Variants in CYB561 observed in about 807,000 individuals in gnomAD.
CYB561 encodes the protein cytochrome b561.
Under a neutral mutation model 25.3 loss-of-function variants are expected in CYB561, and 11 were observed. The ratio of observed to expected loss-of-function variants is 0.44; its 90% CI spans 0.27 to 0.72. The LOEUF (loss-of-function observed/expected upper bound fraction) is 0.72. Ranked by LOEUF, CYB561 falls within the 30% of genes least tolerant of loss-of-function variation. The pLI is 0.18. For missense variants in CYB561, 295 were observed against 334.9 expected (o/e 0.88, Z 0.93); for synonymous variants, 165 against 158.8 (o/e 1.04, Z -0.29).
At chr17:63,437,893 A>G in intron 1 of CYB561, 1 of 309,148 alleles carries the variant, frequency 3.2e-6, no homozygotes, top group East Asian at 8.4e-5. Flanking sequence ...CCCCCCTGAG[A>G]TGCGCATGTC....
chr17:63,439,540 A>T (rs919339827), intron 1 of CYB561, among the ~76,000 whole-genome samples: 47 of 150,714 alleles, frequency 3.1e-4, no homozygotes, highest in East Asian at 1.2e-3. Context: ...CTCAAAAAAA[A>T]TTTTTTTTAA....
At chr17:63,435,526 C>A (rs2049287171) in intron 4 of CYB561, 162 bp downstream of exon 4, 2 of 735,428 alleles carry the variant, frequency 2.7e-6, no homozygotes, top group South Asian at 3.5e-5. Context: ...CCTTGGCCGC[C>A]AATCCTAGCT....
rs187817197 is a variant in CYB561 at position 63,437,265 on chromosome 17, C to T, written c.202+81G>A. On this transcript the variant is annotated intron_variant, in intron 2 of 5. Transcript: ENST00000360793. ...AGATTTGTCCAACCAGAAGAGACCG[C>T]AGGGGTGACAAGACCCCTGCAAACT... 7,343 of 1,094,594 alleles carry T rather than the reference C, an allele frequency of 6.7e-3. 37 individuals carry two copies. Among genetic ancestry groups the T allele is most frequent in the Non-Finnish European group, 8.3e-3 (6,017 of 725,918 alleles). The allele number at this position is 1,094,594 out of a possible 1,614,324, so 67.8% of individuals were successfully genotyped here.
chr17:63,435,195 G>A lies in CYB561; in HGVS notation c.454C>T (p.Leu152=). Residue 152 remains leucine (L), a synonymous_variant, in exon 5 of 6, where the codon CTG becomes TTG. Coordinates refer to ENST00000360793, the MANE Select transcript of CYB561 (RefSeq NM_001915.4). ...FFLFPGASFS[L]RSRYRPQHIF... is the part of the protein sequence containing the mutation. Reference sequence around the variant, plus strand: ...TGCTGTGGGCGGTAGCGGCTCCGCAGGGAGAATGAAGCTCCGGGGAACAGG... The same window carrying A: ...TGCTGTGGGCGGTAGCGGCTCCGCAAGGAGAATGAAGCTCCGGGGAACAGG... 6.2e-7 allele frequency: 1 copy of A among 1,614,134 alleles called. No homozygotes were observed. Among genetic ancestry groups the A allele is most frequent in the Non-Finnish European group, 8.5e-7 (1 of 1,180,034 alleles).
chr17:63,441,725 T>A (rs908784522), intron 1 of CYB561, among the ~76,000 whole-genome samples: 5 of 152,176 alleles, frequency 3.3e-5, no homozygotes, highest in Non-Finnish European at 7.4e-5. Flanking sequence ...GCCCAGGAAC[T>A]AGGGTGGTGC....
intron 1 of CYB561, among the ~76,000 whole-genome samples, chr17:63,443,084 A>C (rs1368387260): frequency 6.6e-6 from 1 of 152,166 alleles, no homozygotes; most frequent in African/African-American, 2.4e-5. Flanking sequence ...TGATGGGTGA[A>C]GGGGAAAACA....
rs2049253986 is a variant in CYB561 at position 63,433,334 on chromosome 17, A to ACAT, written c.*1065_*1067dup. 2.5e-6 allele frequency: 1 copy of ACAT among 398,628 alleles called. No individual in the cohort carries two copies. Among genetic ancestry groups the ACAT allele is most frequent in the South Asian group, 1.3e-4 (1 of 7,848 alleles). 24.7% of individuals were successfully genotyped at this position (398,628 alleles called of 1,614,324 possible). A position where few individuals can be genotyped will look rare whatever the true frequency, so the allele number is the denominator to read the frequency against. On this transcript the variant is annotated 3_prime_UTR_variant, in exon 6 of 6. Transcript: ENST00000360793. ...CCGAAGCCAAATGGTGACTCAGCTA[A>ACAT]CATGACACTCTTTATGGGGCTGGAG... is the stretch of plus-strand genomic sequence containing the variant.
At chr17:63,434,653 C>CAGGATACAAAGGGCA in intron 5 of CYB561, 59 bp from the exon 6 acceptor site, 1 of 1,457,872 alleles carries the variant, frequency 6.9e-7, no homozygotes, top group Non-Finnish European at 9.3e-7. Flanking sequence ...GCCAAATGCC[C>CAGGATACAAAGGGCA]TTTGTATCCT....
In CYB561 at chr17:63,436,865, C is replaced by T. The variant is rs978125782; in HGVS notation, c.202+481G>A. On this transcript the variant is annotated intron_variant, in intron 2 of 5. Coordinates refer to ENST00000360793, the MANE Select transcript of CYB561 (RefSeq NM_001915.4). This position sits in a 1 kb window ranked among gnomAD's most constrained non-coding sequence, Gnocchi z 4.8. ...GTCAACCGGATGCAGATCCCGCTTC[C>T]TGGATCCCTGGCCTGGAGGCAGGTG... Among the ~76,000 whole-genome samples, 3 of 152,200 alleles carry T rather than the reference C, an allele frequency of 2.0e-5. No individual in the cohort carries two copies. The highest frequency in any genetic ancestry group is 4.4e-5 in the Non-Finnish European group (3 of 68,018).
At chr17:63,440,334 G>A in intron 1 of CYB561, 1 of 398,628 alleles carries the variant, frequency 2.5e-6, no homozygotes, top group Admixed American at 4.4e-5. Context: ...CTCCTCCACA[G>A]AAGGCTGCCC....
At chr17:63,438,083 G>A (rs1239731260) in intron 1 of CYB561, 2 of 1,533,882 alleles carry the variant, frequency 1.3e-6, no homozygotes. Context: ...GGAGTGGCTG[G>A]GGGGAGGGGC....
At chr17:63,441,100 A>G (rs566798655) in intron 1 of CYB561, among the ~76,000 whole-genome samples, 51 of 152,340 alleles carry the variant, frequency 3.3e-4, no homozygotes, top group African/African-American at 1.2e-3. Flanking sequence ...AAGACAGTGG[A>G]CATCAGAGCC....
In CYB561 at chr17:63,433,298, C is replaced by CTAT. The variant is rs142875018; in HGVS notation, c.*1101_*1103dup. On this transcript the variant is annotated 3_prime_UTR_variant, in exon 6 of 6. Transcript: ENST00000360793. ...GCACACGATCAGTGTTCTAATCACACTATTTCCAGGCCGAAGCCAAATGGT... is the reference window on the plus strand; with the variant it reads ...GCACACGATCAGTGTTCTAATCACACTATTATTTCCAGGCCGAAGCCAAATGGT... 6,162 of 398,586 alleles carry CTAT rather than the reference C, an allele frequency of 0.015. 266 individuals carry two copies. The highest frequency in any genetic ancestry group is 0.093 in the African/African-American group (4,551 of 48,718). The allele number at this position is 398,586 out of a possible 1,614,324, so 24.7% of individuals were successfully genotyped here. A position where few individuals can be genotyped will look rare whatever the true frequency, so the allele number is the denominator to read the frequency against.
chr17:63,438,426 C>G, intron 1 of CYB561: 1 of 540,396 alleles, frequency 1.9e-6, no homozygotes, highest in East Asian at 3.2e-5. Flanking sequence ...CCACCCCACA[C>G]CCAGGAGAGC....
chr17:63,437,824 A>G, intron 1 of CYB561: 1 of 282,290 alleles, frequency 3.5e-6, no homozygotes, highest in Non-Finnish European at 6.3e-6. Context: ...GCGCACAGCC[A>G]CCCCGCTAGA....
At position 63,436,253 on chromosome 17, in the gene CYB561, G is replaced by A; in HGVS notation, c.203-101C>T. On this transcript the variant is annotated intron_variant, in intron 2 of 5. Coordinates refer to ENST00000360793, the MANE Select transcript of CYB561 (RefSeq NM_001915.4). This position sits in a 1 kb window ranked among gnomAD's most constrained non-coding sequence, Gnocchi z 4.8. ...CCTTGGTGGAGAGGTGATGTGAGCT[G>A]ACGGCTTGTAACAGGAGCCTAGCTG... 7.0e-7 allele frequency: 1 copy of A among 1,420,572 alleles called. No homozygotes were observed. The highest frequency in any genetic ancestry group is 9.6e-7 in the Non-Finnish European group (1 of 1,041,766). The allele number at this position is 1,420,572 out of a possible 1,614,324, so 88.0% of individuals were successfully genotyped here.
intron 1 of CYB561, among the ~76,000 whole-genome samples, chr17:63,444,739 G>A (rs770541289): frequency 6.6e-6 from 1 of 152,228 alleles, no homozygotes; most frequent in Non-Finnish European, 1.5e-5. Flanking sequence ...ACAGTAGAGT[G>A]CTTTTTCCCA....
rs773537545 is a variant in CYB561, at chr17:63,436,027, C to T, written c.301+27G>A. The T allele has an allele frequency of 7.4e-6, 12 of 1,613,578 alleles. No individual in the cohort carries two copies. The highest frequency in any genetic ancestry group is 2.2e-5 in the East Asian group (1 of 44,876). On this transcript the variant is annotated intron_variant, in intron 3 of 5. Coordinates refer to ENST00000360793, the MANE Select transcript of CYB561 (RefSeq NM_001915.4). This position sits in a 1 kb window ranked among gnomAD's most constrained non-coding sequence, Gnocchi z 4.8. Reference sequence around the variant, plus strand: ...CATACCTGAAGAGGCAGGCAGGTGGCGGGGAAGGCCGCGCCCGGGAACTCA... The same window carrying T: ...CATACCTGAAGAGGCAGGCAGGTGGTGGGGAAGGCCGCGCCCGGGAACTCA...
intron 1 of CYB561, among the ~76,000 whole-genome samples, chr17:63,445,311 G>A (rs1383812390): frequency 6.6e-6 from 1 of 151,774 alleles, no homozygotes; most frequent in African/African-American, 2.4e-5. Context: ...GGCTGCCACC[G>A]CCTCGTATTT....
Sources: gnomAD v4.1 joint callset for allele counts (sites outside exome capture counted in the v4.1 genomes callset) on GRCh38, gnomAD v4.1.1 for gene constraint, Gnocchi (gnomAD v3.1) non-coding constraint, MANE v1.5 for transcripts, NCBI Gene and HGNC (gene_info 2026-07-23, HGNC 2026-07-21) for gene names.